Variants in PRKAR2A observed in about 807,000 individuals in gnomAD.
The protein encoded by PRKAR2A is cAMP-dependent protein kinase type II-alpha regulatory subunit.
A neutral mutation model predicts 51.9 loss-of-function variants in PRKAR2A; 29 were observed. The ratio of observed to expected loss-of-function variants is 0.56; its 90% CI spans 0.42 to 0.76. The LOEUF is 0.76. Among genes scored for constraint, PRKAR2A ranks in the 30% least tolerant of loss-of-function variants. The probability of loss-of-function intolerance (pLI) is 0.00; values close to 1 mark genes in which losing one functional copy is unlikely to be tolerated. For missense variants in PRKAR2A, 445 were observed against 512.1 expected, an observed-to-expected ratio of 0.87 and a Z score of 1.26; for synonymous variants, 178 against 186.2, an observed-to-expected ratio of 0.96 and a Z score of 0.36.
At chr3:48,759,185 C>T (rs1028988603) in intron 8 of PRKAR2A, among the ~76,000 whole-genome samples, 2 of 152,192 alleles carry the variant, frequency 1.3e-5, no homozygotes, top group African/African-American at 4.8e-5. Flanking sequence ...CATTTCCAAT[C>T]TCATGAAACA....
chr3:48,763,559 C>T (rs1477867925), intron 8 of PRKAR2A, among the ~76,000 whole-genome samples: 3 of 152,112 alleles, frequency 2.0e-5, no homozygotes, highest in Admixed American at 2.0e-4. Context: ...TTAACATCTC[C>T]CATTTCTGAA....
chr3:48,829,126 G>A (rs930041014), intron 1 of PRKAR2A, among the ~76,000 whole-genome samples: 6 of 151,760 alleles, frequency 4.0e-5, no homozygotes, highest in African/African-American at 1.2e-4. Flanking sequence ...GTGAGCCACC[G>A]CACCCAGCTC....
chr3:48,831,648 A>C (rs964892128), intron 1 of PRKAR2A, among the ~76,000 whole-genome samples: 1 of 151,022 alleles, frequency 6.6e-6, no homozygotes, highest in East Asian at 2.0e-4. Flanking sequence ...ACAGAGTCTC[A>C]CTGTGTTGTC....
At chr3:48,768,462 C>A (rs578209553) in intron 6 of PRKAR2A, among the ~76,000 whole-genome samples, 21 of 151,978 alleles carry the variant, frequency 1.4e-4, no homozygotes, top group African/African-American at 5.1e-4. Context: ...TTTTGGGAGG[C>A]CAAAGTGGGT....
At chr3:48,822,295 G>A (rs532540835) in intron 1 of PRKAR2A, among the ~76,000 whole-genome samples, 1 of 152,034 alleles carries the variant, frequency 6.6e-6, no homozygotes, top group South Asian at 2.1e-4. Context: ...CTTGCATGGG[G>A]TATAAATATG....
chr3:48,830,451 C>CT (rs1043757526), intron 1 of PRKAR2A, among the ~76,000 whole-genome samples: 136 of 152,204 alleles, frequency 8.9e-4, no homozygotes, highest in African/African-American at 3.2e-3. Context: ...TTACAATTAA[C>CT]TTTTTTTAGT....
intron 1 of PRKAR2A, among the ~76,000 whole-genome samples, chr3:48,837,011 C>T (rs1325970876): frequency 7.2e-5 from 11 of 151,970 alleles, no homozygotes; most frequent in Non-Finnish European, 8.8e-5. Flanking sequence ...GCCTGTAGTC[C>T]TAGCTACTTG....
At chr3:48,809,500 G>A (rs1048181964) in intron 1 of PRKAR2A, among the ~76,000 whole-genome samples, 1 of 149,364 alleles carries the variant, frequency 6.7e-6, no homozygotes, top group Non-Finnish European at 1.5e-5. Flanking sequence ...GGAGTCTGAG[G>A]TAGGAGAATC....
intron 1 of PRKAR2A, among the ~76,000 whole-genome samples, chr3:48,825,101 C>A (rs1397994298): frequency 1.6e-5 from 2 of 121,682 alleles, no homozygotes; most frequent in African/African-American, 6.3e-5. Context: ...ATGGCGCAAT[C>A]TCGGCTCACC....
intron 3 of PRKAR2A, among the ~76,000 whole-genome samples, chr3:48,793,763 A>T (rs1474254555): frequency 6.6e-6 from 1 of 152,110 alleles, no homozygotes; most frequent in Non-Finnish European, 1.5e-5. Flanking sequence ...AAGTGTTCGG[A>T]TTACAGGTGT....
At chr3:48,803,477 T>G (rs2082623234) in intron 2 of PRKAR2A, among the ~76,000 whole-genome samples, 1 of 152,168 alleles carries the variant, frequency 6.6e-6, no homozygotes, top group Non-Finnish European at 1.5e-5. Flanking sequence ...CAGGCTGGAG[T>G]GCAATGGCGA....
At chr3:48,774,829 C>T (rs1164256654) in intron 5 of PRKAR2A, among the ~76,000 whole-genome samples, 1 of 151,932 alleles carries the variant, frequency 6.6e-6, no homozygotes, top group East Asian at 1.9e-4. Flanking sequence ...TTTTCCTTGC[C>T]TCCCTCCCTC....
intron 1 of PRKAR2A, among the ~76,000 whole-genome samples, chr3:48,824,322 G>A (rs1464958132): frequency 6.6e-6 from 1 of 151,970 alleles, no homozygotes; most frequent in Non-Finnish European, 1.5e-5. Flanking sequence ...TTAAGCCCAG[G>A]AGGCAGAGGT....
chr3:48,749,307 CCTT>C lies in PRKAR2A; in HGVS notation c.*2275_*2277del, dbSNP rs1265317719. ...GAAAAAAAAATTATTCTGAAATATA[CCTT>C]ATTAGGATGATCACTGGAATTCTAC... On this transcript the variant is annotated 3_prime_UTR_variant, in exon 11 of 11. Coordinates refer to ENST00000265563, the MANE Select transcript of PRKAR2A (RefSeq NM_004157.4). 7 of 152,104 alleles carry C rather than the reference CCTT, an allele frequency of 4.6e-5. No individual in the cohort carries two copies. In the East Asian group the frequency reaches 1.4e-3, roughly 29 times the overall value. 9.4% of individuals were successfully genotyped at this position (152,104 alleles called of 1,614,324 possible). A position where few individuals can be genotyped will look rare whatever the true frequency, so the allele number is the denominator to read the frequency against.
intron 9 of PRKAR2A, among the ~76,000 whole-genome samples, chr3:48,756,171 AG>A (rs1452624361): frequency 1.3e-5 from 2 of 152,352 alleles, no homozygotes; most frequent in Non-Finnish European, 1.5e-5. Context: ...GCAGAGGCAA[AG>A]GGAGCAAGAA....
At chr3:48,791,466 T>A (rs577951352) in intron 3 of PRKAR2A, among the ~76,000 whole-genome samples, 1 of 148,730 alleles carries the variant, frequency 6.7e-6, no homozygotes, top group East Asian at 2.0e-4. Flanking sequence ...TGGTGGCGCA[T>A]GCCAGTAATC....
chr3:48,759,512 G>A (rs2081831297), intron 8 of PRKAR2A, among the ~76,000 whole-genome samples: 1 of 151,636 alleles, frequency 6.6e-6, no homozygotes, highest in Non-Finnish European at 1.5e-5. Flanking sequence ...TCAGCCTCCT[G>A]AGTAGCTGGG....
intron 1 of PRKAR2A, 123 bp from the exon 2 acceptor site, chr3:48,807,807 T>G (rs568422074): frequency 2.2e-5 from 16 of 722,396 alleles, no homozygotes; most frequent in Non-Finnish European, 1.2e-5. Flanking sequence ...GTGGGTCAGT[T>G]CATAGTCTTC....
At chr3:48,746,247 C>A (rs777855954), downstream of PRKAR2A, among the ~76,000 whole-genome samples, 10 of 149,944 alleles carry the variant, frequency 6.7e-5, no homozygotes, top group Non-Finnish European at 1.2e-4. Flanking sequence ...TGCAGTGGCT[C>A]ACACCTATAA....
Sources: allele counts gnomAD v4.1 joint callset (sites outside exome capture counted in the v4.1 genomes callset), GRCh38; gene constraint gnomAD v4.1.1; transcripts MANE v1.5; gene names NCBI Gene and HGNC (gene_info 2026-07-23, HGNC 2026-07-21).